The following BNC2 variants were observed in gnomAD, a reference collection of about 807,000 sequenced individuals.
BNC2 encodes the protein basonuclin zinc finger protein 2, also known as zinc finger protein basonuclin-2.
Under a neutral mutation model 76.3 loss-of-function variants are expected in BNC2, and 20 were observed. The observed-to-expected ratio is 0.26, with a 90% CI of 0.18 to 0.38. The LOEUF (loss-of-function observed/expected upper bound fraction) is 0.38. Among genes scored for constraint, BNC2 ranks in the 10% least tolerant of loss-of-function variants. BNC2 has a pLI of 1.00. For missense variants in BNC2, 1,382 were observed against 1,399.8 expected, an observed-to-expected ratio of 0.99 and a Z score of 0.20; for synonymous variants, 582 against 514.8, an observed-to-expected ratio of 1.13 and a Z score of -1.77.
chr9:16,502,679 T>C (rs1432367593), intron 5 of BNC2, among the ~76,000 whole-genome samples: 6 of 152,142 alleles, frequency 3.9e-5, no homozygotes, highest in East Asian at 1.9e-4. Context: ...CAGAATCATG[T>C]AGGAAAGCTA....
intron 3 of BNC2, among the ~76,000 whole-genome samples, chr9:16,699,878 T>A (rs772270040): frequency 2.6e-5 from 4 of 152,336 alleles, no homozygotes; most frequent in Admixed American, 6.5e-5. Flanking sequence ...AAATTCCCAA[T>A]GTAAATTTAT....
In BNC2 at chr9:16,772,996, T is replaced by C. The variant is rs1200149769; in HGVS notation, c.4-34511A>G. Among the ~76,000 whole-genome samples the C allele has an allele frequency of 3.3e-5, 5 of 152,206 alleles. No homozygotes were observed. In the East Asian group the frequency reaches 7.7e-4, roughly 23 times the overall value. On this transcript the variant is annotated intron_variant, in intron 1 of 6. Transcript: ENST00000380672. ...TCAGAATGTCTCTCCTTAATGAACC[T>C]GTTTGCAATAAGACTCCGGGTGCAA...
chr9:16,453,733 C>A (rs1398246059), intron 5 of BNC2, among the ~76,000 whole-genome samples: 1 of 152,178 alleles, frequency 6.6e-6, no homozygotes, highest in African/African-American at 2.4e-5. Context: ...AGGAGAACTG[C>A]TTGAACCCCA....
intron 2 of BNC2, among the ~76,000 whole-genome samples, chr9:16,732,052 T>C (rs1824519820): frequency 6.6e-6 from 1 of 151,878 alleles, no homozygotes; most frequent in Admixed American, 6.6e-5. Context: ...GTGTTCTTTC[T>C]TGTTAGCTCT....
At chr9:16,754,147 A>T (rs945454512) in intron 1 of BNC2, among the ~76,000 whole-genome samples, 15 of 152,356 alleles carry the variant, frequency 9.8e-5, no homozygotes, top group South Asian at 6.2e-4. Context: ...GGTGGTCTAC[A>T]GAATATTTCA....
At chr9:16,489,131 T>A (rs970645033) in intron 5 of BNC2, among the ~76,000 whole-genome samples, 2 of 152,228 alleles carry the variant, frequency 1.3e-5, no homozygotes, top group African/African-American at 4.8e-5. Context: ...TAATAATGTG[T>A]CTTACTTAAT....
intron 3 of BNC2, among the ~76,000 whole-genome samples, chr9:16,585,789 G>T (rs752212537): frequency 3.3e-5 from 5 of 152,040 alleles, no homozygotes; most frequent in Admixed American, 2.0e-4. Context: ...GGGAAGAGTC[G>T]AAATGAATAT....
chr9:16,507,190 T>C (rs1822647181), intron 5 of BNC2, among the ~76,000 whole-genome samples: 1 of 151,580 alleles, frequency 6.6e-6, no homozygotes, highest in African/African-American at 2.4e-5. Flanking sequence ...CAGTTATTAA[T>C]AGAGAAATCT....
At chr9:16,870,564 G>A (rs1050047356) in intron 1 of BNC2, 82 bp downstream of exon 1, 103 of 1,530,914 alleles carry the variant, frequency 6.7e-5, no homozygotes, top group Non-Finnish European at 8.5e-5. Context: ...CGGCCCCCGG[G>A]CGGCCCCGGT....
chr9:16,435,007 A>G (rs1820976056), intron 6 of BNC2: 1 of 471,384 alleles, frequency 2.1e-6, no homozygotes, highest in Non-Finnish European at 4.4e-6. Context: ...ATACTCATGT[A>G]AGGAATGATA....
chr9:16,851,813 T>A (rs1819133944), intron 1 of BNC2, among the ~76,000 whole-genome samples: 1 of 152,092 alleles, frequency 6.6e-6, no homozygotes, highest in African/African-American at 2.4e-5. Flanking sequence ...ACCAATCAAG[T>A]AATAATTTTT....
chr9:16,554,387 G>T (rs181935225), intron 4 of BNC2, among the ~76,000 whole-genome samples: 5 of 152,100 alleles, frequency 3.3e-5, no homozygotes, highest in Admixed American at 3.3e-4. Context: ...CAGTGTAAAG[G>T]CCCTTATCAT....
intron 5 of BNC2, among the ~76,000 whole-genome samples, chr9:16,464,471 G>T (rs1294445229): frequency 1.3e-5 from 2 of 152,068 alleles, no homozygotes; most frequent in Non-Finnish European, 2.9e-5. Flanking sequence ...GCACAAAAGA[G>T]ACACAATATT....
At chr9:16,743,388 C>A (rs1377762428) in intron 1 of BNC2, among the ~76,000 whole-genome samples, 1 of 152,174 alleles carries the variant, frequency 6.6e-6, no homozygotes, top group Non-Finnish European at 1.5e-5. Context: ...TAAGGCATCT[C>A]TTTCCTGGTT....
At chr9:16,703,311 A>G (rs1425183778) in intron 3 of BNC2, among the ~76,000 whole-genome samples, 3 of 152,178 alleles carry the variant, frequency 2.0e-5, no homozygotes, top group African/African-American at 7.2e-5. Flanking sequence ...AAATAAAATA[A>G]TTAACTTTAA....
intron 1 of BNC2, among the ~76,000 whole-genome samples, chr9:16,757,044 G>C (rs114207468): frequency 1.4e-5 from 2 of 146,732 alleles, no homozygotes; most frequent in African/African-American, 2.5e-5. Context: ...TTCCTAAAGT[G>C]CCCTGTACTA....
intron 5 of BNC2, among the ~76,000 whole-genome samples, chr9:16,480,563 G>GTT (rs1306749984): frequency 6.6e-6 from 1 of 152,212 alleles, no homozygotes; most frequent in East Asian, 1.9e-4. Context: ...GCCAGCTGGA[G>GTT]TTCCGGGTGG....
At chr9:16,609,116 G>A (rs1226780776) in intron 3 of BNC2, among the ~76,000 whole-genome samples, 1 of 152,132 alleles carries the variant, frequency 6.6e-6, no homozygotes, top group African/African-American at 2.4e-5. Context: ...TCTGATCACT[G>A]ATTGCCTAGA....
chr9:16,499,520 CTTTT>C (rs146073367), intron 5 of BNC2, among the ~76,000 whole-genome samples: 1 of 126,190 alleles, frequency 7.9e-6, no homozygotes, highest in South Asian at 3.1e-4. Context: ...CCCTAAATAT[CTTTT>C]TTTTTCTTTT....
Sources: gnomAD v4.1 joint callset for allele counts (sites outside exome capture counted in the v4.1 genomes callset) on GRCh38, gnomAD v4.1.1 for gene constraint, MANE v1.5 for transcripts, NCBI Gene and HGNC (gene_info 2026-07-23, HGNC 2026-07-21) for gene names.